The following DAB1 variants were observed in gnomAD, a reference collection of about 807,000 sequenced individuals.
DAB1 encodes the protein disabled homolog 1.
In DAB1, 15 loss-of-function variants were observed where a neutral mutation model predicts 64.6. The ratio of observed to expected loss-of-function variants is 0.23; its 90% confidence interval spans 0.16 to 0.36. DAB1 has a LOEUF of 0.36. DAB1 is among the 10% of genes least tolerant of loss of function. The pLI is 1.00. For synonymous variants in DAB1, 235 were observed against 251.9 expected (o/e 0.93, Z 0.64); for missense variants, 596 against 706.7 (o/e 0.84, Z 1.78).
chr1:57,198,866 A>C (rs968975692), intron 2 of DAB1, among the ~76,000 whole-genome samples: 1 of 152,146 alleles, frequency 6.6e-6, no homozygotes, highest in African/African-American at 2.4e-5. Context: ...AATGGAAGGA[A>C]GTGTGGGGCA....
chr1:57,647,844 G>T (rs1646212078), intron 7 of DAB1, among the ~76,000 whole-genome samples: 1 of 152,300 alleles, frequency 6.6e-6, no homozygotes, highest in Admixed American at 6.5e-5. Flanking sequence ...GGGGCATAAT[G>T]GCAGAGCTCA....
intron 7 of DAB1, among the ~76,000 whole-genome samples, chr1:57,641,127 G>C (rs1227356575): frequency 6.6e-6 from 1 of 152,002 alleles, no homozygotes; most frequent in Admixed American, 6.6e-5. Flanking sequence ...TTTCCTCTAA[G>C]GTTGCTATAA....
At chr1:57,029,108 C>T (rs1462255130) in intron 9 of DAB1, among the ~76,000 whole-genome samples, 5 of 152,120 alleles carry the variant, frequency 3.3e-5, no homozygotes, top group Admixed American at 2.0e-4. Context: ...GTGGGCTGGG[C>T]CCAGGGTTCC....
At chr1:57,249,060 C>G (rs1229640762) in intron 2 of DAB1, among the ~76,000 whole-genome samples, 1 of 152,214 alleles carries the variant, frequency 6.6e-6, no homozygotes, top group Non-Finnish European at 1.5e-5. Flanking sequence ...TCACACAGTG[C>G]TTCAGGCTTG....
chr1:57,529,744 C>T (rs550062116), intron 7 of DAB1, among the ~76,000 whole-genome samples: 1 of 152,232 alleles, frequency 6.6e-6, no homozygotes, highest in African/African-American at 2.4e-5. Flanking sequence ...CAAGATATTG[C>T]TCCCTTGCAA....
At chr1:57,568,761 T>A (rs1645155093) in intron 7 of DAB1, among the ~76,000 whole-genome samples, 1 of 151,966 alleles carries the variant, frequency 6.6e-6, no homozygotes, top group Non-Finnish European at 1.5e-5. Flanking sequence ...TGGCAATCAT[T>A]AAAAAGTCAG....
chr1:57,946,198 A>G (rs1267164491), intron 5 of DAB1, among the ~76,000 whole-genome samples: 1 of 152,214 alleles, frequency 6.6e-6, no homozygotes, highest in Non-Finnish European at 1.5e-5. Flanking sequence ...TCAGTATTCA[A>G]AGAAGTCACA....
intron 3 of DAB1, among the ~76,000 whole-genome samples, chr1:58,465,162 G>A (rs112523428): frequency 1.3e-5 from 2 of 152,168 alleles, no homozygotes; most frequent in Non-Finnish European, 2.9e-5. Flanking sequence ...TCAGAGACTC[G>A]CATGACAAGC....
chr1:58,067,305 C>T (rs1220956346), intron 5 of DAB1, among the ~76,000 whole-genome samples: 1 of 152,198 alleles, frequency 6.6e-6, no homozygotes, highest in Admixed American at 6.5e-5. Context: ...ATGAGGCATT[C>T]GTCTAATGCT....
chr1:58,091,248 T>C (rs1650639361), intron 5 of DAB1, among the ~76,000 whole-genome samples: 1 of 152,152 alleles, frequency 6.6e-6, no homozygotes, highest in African/African-American at 2.4e-5. Flanking sequence ...ATACACTTTC[T>C]TTACAACAAA....
chr1:57,089,960 G>C (rs1426650323), intron 4 of DAB1, among the ~76,000 whole-genome samples: 1 of 152,188 alleles, frequency 6.6e-6, no homozygotes, highest in East Asian at 1.9e-4. Flanking sequence ...ATGTGACTGA[G>C]TGAGTCCTTG....
rs138911603 is a variant in DAB1, at chr1:57,172,942, T to C, written c.68-27513A>G. ...GTATTTAATCACCCAGTCCATGCCC[T>C]TTCCACTACATACTGCTAACCTGAA... is the stretch of plus-strand genomic sequence containing the variant. On this transcript the variant is annotated intron_variant, in intron 2 of 14. Coordinates refer to ENST00000371236, the MANE Select transcript of DAB1 (RefSeq NM_001365792.1). 2.5e-3 allele frequency among the ~76,000 whole-genome samples: 385 copies of C among 152,278 alleles called. 1 individual carries two copies. The highest frequency in any genetic ancestry group is 0.01 in the Middle Eastern group (3 of 294).
At chr1:58,537,979 C>T (rs1646544109) in intron 1 of DAB1, among the ~76,000 whole-genome samples, 2 of 152,190 alleles carry the variant, frequency 1.3e-5, no homozygotes, top group African/African-American at 4.8e-5. Context: ...GAGCGTATTA[C>T]TTCAACCAAT....
At chr1:58,465,255 A>G (rs1323381493) in intron 3 of DAB1, among the ~76,000 whole-genome samples, 1 of 152,154 alleles carries the variant, frequency 6.6e-6, no homozygotes, top group African/African-American at 2.4e-5. Context: ...CTGGCCACCA[A>G]GCCACAAGGT....
chr1:58,311,600 A>T (rs1395528053), intron 4 of DAB1, among the ~76,000 whole-genome samples: 2 of 152,118 alleles, frequency 1.3e-5, no homozygotes, highest in African/African-American at 4.8e-5. Flanking sequence ...TCTCAGTTTC[A>T]GAGCTCCTGG....
intron 7 of DAB1, among the ~76,000 whole-genome samples, chr1:57,648,645 T>C (rs1044062533): frequency 6.6e-6 from 1 of 152,214 alleles, no homozygotes; most frequent in Non-Finnish European, 1.5e-5. Flanking sequence ...CAAGGTCCCA[T>C]AACAAATAGC....
chr1:57,794,423 T>C (rs1296720316), intron 6 of DAB1, among the ~76,000 whole-genome samples: 1 of 152,218 alleles, frequency 6.6e-6, no homozygotes, highest in Non-Finnish European at 1.5e-5. Flanking sequence ...CAGTACCATG[T>C]TCTTTCAGAG....
At chr1:57,803,951 T>C (rs1232963915) in intron 6 of DAB1, among the ~76,000 whole-genome samples, 22 of 152,224 alleles carry the variant, frequency 1.4e-4, no homozygotes, top group Non-Finnish European at 1.5e-5. Flanking sequence ...TATATCAGAA[T>C]GTGCTGCATG....
At chr1:57,868,179 A>C (rs1365325361) in intron 1 of DAB1, among the ~76,000 whole-genome samples, 3 of 152,194 alleles carry the variant, frequency 2.0e-5, no homozygotes, top group Non-Finnish European at 1.5e-5. Context: ...ATTTCTGCAG[A>C]GGCACTATTA....
Sources: allele counts gnomAD v4.1 joint callset (sites outside exome capture counted in the v4.1 genomes callset), GRCh38; gene constraint gnomAD v4.1.1; transcripts MANE v1.5; gene names NCBI Gene and HGNC (gene_info 2026-07-23, HGNC 2026-07-21).